TRAF5: variants seen among roughly 807,000 people sequenced by gnomAD.
The protein encoded by TRAF5 is TNF receptor-associated factor 5.
In TRAF5, 48 loss-of-function variants were observed where a neutral mutation model predicts 64.5. That is an observed-to-expected ratio of 0.74 (90% CI 0.59 to 0.95). The LOEUF (loss-of-function observed/expected upper bound fraction) is 0.95. Ranked by LOEUF, TRAF5 falls within the 40% of genes least tolerant of loss-of-function variation. TRAF5 has a pLI of 0.00. For synonymous variants in TRAF5, 206 were observed against 240.5 expected (o/e 0.86, Z 1.33); for missense variants, 545 against 662.8 (o/e 0.82, Z 1.95).
At chr1:211,364,637 G>C (rs1361362217) in intron 7 of TRAF5, among the ~76,000 whole-genome samples, 3 of 152,254 alleles carry the variant, frequency 2.0e-5, no homozygotes, top group African/African-American at 7.2e-5. Flanking sequence ...AGTGAGCCAA[G>C]GTTGTGCCAC....
chr1:211,367,527 G>C (rs1196227158), intron 8 of TRAF5, among the ~76,000 whole-genome samples: 1 of 152,204 alleles, frequency 6.6e-6, no homozygotes, highest in Admixed American at 6.5e-5. Context: ...AGGTGGTGGT[G>C]GTGATGGTGA....
intron 1 of TRAF5, among the ~76,000 whole-genome samples, chr1:211,339,375 C>T (rs1702386407): frequency 6.6e-6 from 1 of 152,216 alleles, no homozygotes. Flanking sequence ...CTGCGGATTG[C>T]AGCAAATCCA....
rs1703164907 is a variant in TRAF5, at chr1:211,361,124, CA to C, written c.660del (p.Asp221ThrfsTer11). On this transcript the variant is annotated frameshift_variant, in exon 7 of 11. Transcript: ENST00000261464. LOFTEE classifies it high-confidence loss of function. ...CCTGGCTGTATGTCCTGAAGCTGAG[CA>C]AGACTGTCCTTTTAAGCACTATGGC... Reference protein sequence around the residue: ...EHLAVCPEAEQDCPFKHYGCA... With the variant: ...EHLAVCPEAEXDCPFKHYGCA... The C allele has an allele frequency of 1.9e-6, 3 of 1,614,002 alleles. No homozygotes were observed. The highest frequency in any genetic ancestry group is 2.5e-6 in the Non-Finnish European group (3 of 1,180,024).
intron 9 of TRAF5, among the ~76,000 whole-genome samples, chr1:211,370,387 ACAC>A (rs1345443372): frequency 1.3e-5 from 2 of 151,026 alleles, no homozygotes; most frequent in Non-Finnish European, 3.0e-5. Context: ...AAACACACAC[ACAC>A]ACACACACAC....
At chr1:211,327,593 C>T (rs554808063) in intron 1 of TRAF5, among the ~76,000 whole-genome samples, 18 of 152,240 alleles carry the variant, frequency 1.2e-4, no homozygotes, top group African/African-American at 4.1e-4. Context: ...CCACTTTGTT[C>T]CTGTTCTGCA....
chr1:211,365,648 C>A, intron 8 of TRAF5, 180 bp downstream of exon 8: 1 of 511,488 alleles, frequency 2.0e-6, no homozygotes, highest in South Asian at 3.1e-5. Context: ...TGGAAGGTGC[C>A]CTTAGGATCC....
chr1:211,367,896 T>G (rs547223176), intron 8 of TRAF5, among the ~76,000 whole-genome samples: 3 of 152,090 alleles, frequency 2.0e-5, no homozygotes, highest in Admixed American at 1.3e-4. Context: ...ATAAATGAGA[T>G]GTAGTCTCAA....
At chr1:211,359,838 C>A (rs1212703812) in intron 4 of TRAF5, 74 bp from the exon 5 acceptor site, 1 of 1,590,500 alleles carries the variant, frequency 6.3e-7, no homozygotes, top group Admixed American at 1.7e-5. Context: ...CTCTCCCTCC[C>A]TAGGCCTTCC....
In TRAF5 at chr1:211,369,653, T is replaced by C. The variant is rs914499343; in HGVS notation, c.930+61T>C. The C allele has an allele frequency of 7.8e-6, 11 of 1,419,078 alleles. No individual in the cohort carries two copies. The South Asian group carries it at 1.4e-4, about 18-fold the overall frequency. The allele number at this position is 1,419,078 out of a possible 1,614,324, so 87.9% of individuals were successfully genotyped here. ...GGCTTTCAATTGCAGTGAGAGTTTT[T>C]CTTTTAACTTCTTAAATAGAAATAA... On this transcript the variant is annotated intron_variant, in intron 9 of 10. Coordinates refer to ENST00000261464, the MANE Select transcript of TRAF5 (RefSeq NM_001033910.3).
chr1:211,357,587 T>TTCCCCCCC (rs1703007339), intron 4 of TRAF5: 1 of 151,516 alleles, frequency 6.6e-6, no homozygotes, highest in South Asian at 2.1e-4. Flanking sequence ...ATTCCTTGTT[T>TTCCCCCCC]CCCACCCACC....
intron 1 of TRAF5, among the ~76,000 whole-genome samples, chr1:211,341,633 G>A (rs1298477685): frequency 6.6e-6 from 1 of 152,094 alleles, no homozygotes; most frequent in East Asian, 1.9e-4. Context: ...TGTTTCCATC[G>A]GGCATTGCTC....
At chr1:211,338,062 A>T (rs569786052) in intron 1 of TRAF5, among the ~76,000 whole-genome samples, 1 of 152,284 alleles carries the variant, frequency 6.6e-6, no homozygotes, top group South Asian at 2.1e-4. Context: ...CACCAGCCCG[A>T]AGCTCCAAGA....
At chr1:211,355,433 TA>T (rs1702930023) in intron 3 of TRAF5, among the ~76,000 whole-genome samples, 1 of 152,198 alleles carries the variant, frequency 6.6e-6, no homozygotes, top group Non-Finnish European at 1.5e-5. Flanking sequence ...CTTTCTCCCT[TA>T]AAACTCCTCT....
At position 211,360,039 on chromosome 1, in the gene TRAF5, T is replaced by G; in HGVS notation, c.506T>G (p.Leu169Arg). The G allele has an allele frequency of 6.2e-7, 1 of 1,614,036 alleles. No individual in the cohort carries two copies. The change falls in exon 5 of 11, where the codon CTT (leucine) becomes CGT (arginine). Residue 169 changes from leucine to arginine, a missense_variant. Leu to Arg is a moderately radical substitution (Grantham distance 102). Coordinates refer to ENST00000261464, the MANE Select transcript of TRAF5 (RefSeq NM_001033910.3). ...TGTCAGTTTCGAAAGGAAAAATGCC[T>G]TTATTGCAAAAAGGATGTGGTAGTC... ...ASCQFRKEKC[L>R]YCKKDVVVIN...
chr1:211,332,499 G>A (rs1702183024), intron 1 of TRAF5, among the ~76,000 whole-genome samples: 2 of 152,192 alleles, frequency 1.3e-5, no homozygotes, highest in African/African-American at 4.8e-5. Flanking sequence ...AAGCTAAGCG[G>A]CAGCCATGAA....
chr1:211,352,385 G>C (rs187916171), intron 1 of TRAF5, among the ~76,000 whole-genome samples: 17 of 147,202 alleles, frequency 1.2e-4, no homozygotes, highest in African/African-American at 4.3e-4. Flanking sequence ...CCCACAATAT[G>C]TGGGAATTCA....
intron 1 of TRAF5, among the ~76,000 whole-genome samples, chr1:211,341,519 T>G (rs1481869646): frequency 6.6e-6 from 1 of 152,214 alleles, no homozygotes; most frequent in Non-Finnish European, 1.5e-5. Context: ...GCCGACTTAT[T>G]CCAGGTAGAG....
At chr1:211,352,465 T>G (rs1195147715) in intron 1 of TRAF5, among the ~76,000 whole-genome samples, 20 of 149,670 alleles carry the variant, frequency 1.3e-4, no homozygotes, top group Admixed American at 5.3e-4. Flanking sequence ...AAAAAAAGTT[T>G]TTTTTTTTTT....
intron 1 of TRAF5, among the ~76,000 whole-genome samples, chr1:211,348,806 G>A (rs1254042536): frequency 6.6e-6 from 1 of 151,908 alleles, no homozygotes; most frequent in Admixed American, 6.6e-5. Context: ...ATCTATTTCT[G>A]GGCTCTTTAT....
Sources: allele counts gnomAD v4.1 joint callset (sites outside exome capture counted in the v4.1 genomes callset), GRCh38; gene constraint gnomAD v4.1.1; transcripts MANE v1.5; gene names NCBI Gene and HGNC (gene_info 2026-07-23, HGNC 2026-07-21).